FBLN7: variants seen among roughly 807,000 people sequenced by gnomAD.
FBLN7 encodes fibulin-7.
A neutral mutation model predicts 44.0 loss-of-function variants in FBLN7; 31 were observed. The observed-to-expected ratio is 0.70, with a 90% confidence interval of 0.53 to 0.95. FBLN7 has a LOEUF of 0.95. FBLN7 is among the 40% of genes least tolerant of loss of function. The probability of loss-of-function intolerance (pLI) is 0.00; values close to 1 mark genes in which losing one functional copy is unlikely to be tolerated. For missense variants in FBLN7, 573 were observed against 618.5 expected (o/e 0.93, Z 0.78); for synonymous variants, 262 against 253.4 (o/e 1.03, Z -0.32).
At chr2:112,184,505 G>A (rs958264427) in intron 6 of FBLN7, among the ~76,000 whole-genome samples, 6 of 152,010 alleles carry the variant, frequency 3.9e-5, no homozygotes, top group Non-Finnish European at 7.4e-5. Flanking sequence ...CCTCCAGCTG[G>A]GGAGACTCTC....
chr2:112,187,534 G>C lies in FBLN7; in HGVS notation c.*28G>C. 1 of 1,604,950 alleles carries C rather than the reference G, an allele frequency of 6.2e-7. No individual in the cohort carries two copies. Among genetic ancestry groups the C allele is most frequent in the Non-Finnish European group, 8.5e-7 (1 of 1,173,642 alleles). ...GTACACAGGGGCACTGGGGTGTGGA[G>C]AGCTGACCTCATTTCTCTTCCCCGA... is the stretch of plus-strand genomic sequence containing the variant. On this transcript the variant is annotated 3_prime_UTR_variant, in exon 8 of 8. Coordinates refer to ENST00000331203, the MANE Select transcript of FBLN7 (RefSeq NM_153214.3). This position sits in a 1 kb window ranked among gnomAD's most constrained non-coding sequence, Gnocchi z 5.1.
chr2:112,151,855 A>C (rs1326263310), intron 1 of FBLN7: 1 of 152,170 alleles, frequency 6.6e-6, no homozygotes, highest in Non-Finnish European at 1.5e-5. Context: ...GACTTGCTGA[A>C]GATAATACCG....
chr2:112,214,441 T>C, the FBLN7 span: 7 of 152,132 alleles, frequency 4.6e-5, no homozygotes, highest in Non-Finnish European at 8.8e-5. Flanking sequence ...TCTGGCTTTA[T>C]TTCTCCTGGT....
the FBLN7 span, among the ~76,000 whole-genome samples, chr2:112,200,136 G>C: frequency 4.6e-5 from 7 of 152,198 alleles, no homozygotes; most frequent in Non-Finnish European, 1.0e-4. Flanking sequence ...GGTGGTCTTT[G>C]ACTGAGAGAC....
At chr2:112,152,998 T>C (rs1470188945) in intron 1 of FBLN7, 2 of 152,218 alleles carry the variant, frequency 1.3e-5, no homozygotes, top group Admixed American at 6.5e-5. Context: ...CTTCTGTTTC[T>C]GTAGAGAGTT....
Position 112,185,292 on chromosome 2 carries a change from G to C in FBLN7, c.900G>C (p.Glu300Asp), listed in dbSNP as rs1683215038. ...TGGSFQCVSP[E>D]CPEGSGNVSY... ...GAAGCTTCCAGTGTGTCAGCCCTGAGTGCCCCGAGGGCAGCGGCAATGTGA... is the reference window on the plus strand; with the variant it reads ...GAAGCTTCCAGTGTGTCAGCCCTGACTGCCCCGAGGGCAGCGGCAATGTGA... The change falls in exon 7 of 8, where the codon GAG becomes GAC. Residue 300 changes from glutamate (E) to aspartate (D), a missense_variant. Glu to Asp is a conservative substitution (Grantham distance 45). Transcript: ENST00000331203. 1 of 1,613,934 alleles carries C rather than the reference G, an allele frequency of 6.2e-7. No individual in the cohort carries two copies. Among genetic ancestry groups the C allele is most frequent in the Non-Finnish European group, 8.5e-7 (1 of 1,179,866 alleles).
At chr2:112,168,480 C>G (rs1228958744) in intron 3 of FBLN7, among the ~76,000 whole-genome samples, 2 of 152,176 alleles carry the variant, frequency 1.3e-5, no homozygotes, top group African/African-American at 4.8e-5. Flanking sequence ...GGCCACGGCC[C>G]CTCCTAAGTG....
the FBLN7 span, among the ~76,000 whole-genome samples, chr2:112,193,526 TATCTG>T: frequency 2.0e-5 from 3 of 152,262 alleles, no homozygotes; most frequent in Non-Finnish European, 4.4e-5. Flanking sequence ...TTATTTATAA[TATCTG>T]ATACAAAGTG....
chr2:112,227,845 G>C, the FBLN7 span, among the ~76,000 whole-genome samples: 13 of 152,308 alleles, frequency 8.5e-5, no homozygotes, highest in Admixed American at 3.9e-4. Context: ...GACATTCCAT[G>C]CTCACAGATC....
At chr2:112,165,510 A>G (rs944372137) in intron 3 of FBLN7, among the ~76,000 whole-genome samples, 3 of 152,272 alleles carry the variant, frequency 2.0e-5, no homozygotes, top group Middle Eastern at 3.4e-3. Context: ...CTGACCCCAG[A>G]GTCTGCGCTC....
At chr2:112,225,340 T>C in the FBLN7 span, among the ~76,000 whole-genome samples, 1 of 152,132 alleles carries the variant, frequency 6.6e-6, no homozygotes, top group African/African-American at 2.4e-5. Flanking sequence ...TAGCCAGGTG[T>C]GGTAGCACAC....
chr2:112,156,243 A>G (rs1171645005), intron 1 of FBLN7, among the ~76,000 whole-genome samples: 2 of 152,184 alleles, frequency 1.3e-5, no homozygotes, highest in East Asian at 3.9e-4. Context: ...GCCTGTGAGA[A>G]CAAAGGAGGC....
In FBLN7 at chr2:112,170,872, G is replaced by A. The variant is rs189678847; in HGVS notation, c.407-4842G>A. On this transcript the variant is annotated intron_variant, in intron 3 of 7. Coordinates refer to ENST00000331203, the MANE Select transcript of FBLN7 (RefSeq NM_153214.3). ...AGTCCAGGGGAGAGATTGTGGCAGC[G>A]GAGATTCTAGGTATTTTTAGAGACA... Among the ~76,000 whole-genome samples the A allele has an allele frequency of 4.0e-4, 61 of 152,320 alleles. No individual in the cohort carries two copies. In the South Asian group the frequency reaches 6.2e-3, roughly 16 times the overall value.
chr2:112,187,929 C>CG lies in FBLN7; in HGVS notation c.*429dup. On this transcript the variant is annotated 3_prime_UTR_variant, in exon 8 of 8. Coordinates refer to ENST00000331203, the MANE Select transcript of FBLN7 (RefSeq NM_153214.3). This position sits in a 1 kb window ranked among gnomAD's most constrained non-coding sequence, Gnocchi z 5.1. The stretch of plus-strand genomic sequence containing the variant: ...TATGAATGAAACGGTTCTAGTCGTG[C>CG]GGGGGGCCCTAGTCATGCCTCTGCG... The CG allele has an allele frequency of 4.4e-6, 1 of 228,928 alleles. No individual in the cohort carries two copies. The highest frequency in any genetic ancestry group is 8.5e-6 in the Non-Finnish European group (1 of 117,344). 14.2% of individuals were successfully genotyped at this position (228,928 alleles called of 1,614,324 possible).
intron 3 of FBLN7, among the ~76,000 whole-genome samples, chr2:112,171,306 G>A (rs888979915): frequency 1.3e-5 from 2 of 152,118 alleles, no homozygotes; most frequent in African/African-American, 4.8e-5. Context: ...AGACCTGCAG[G>A]GCACTGAGAA....
chr2:112,157,176 C>G (rs1681474030), intron 1 of FBLN7, among the ~76,000 whole-genome samples: 1 of 152,038 alleles, frequency 6.6e-6, no homozygotes, highest in Non-Finnish European at 1.5e-5. Flanking sequence ...TCGAGACCAG[C>G]CTGGGCAACA....
At chr2:112,182,060 C>T (rs2104603987) in intron 5 of FBLN7, 184 bp downstream of exon 5, 1 of 745,832 alleles carries the variant, frequency 1.3e-6, no homozygotes, top group East Asian at 3.4e-5. Flanking sequence ...AGCTAATTCA[C>T]AGAAATCAGA....
the FBLN7 span, among the ~76,000 whole-genome samples, chr2:112,239,247 T>A: frequency 6.6e-6 from 1 of 152,174 alleles, no homozygotes; most frequent in Non-Finnish European, 1.5e-5. Flanking sequence ...TGCATAAAAA[T>A]TTTCAGGTAT....
In FBLN7 at chr2:112,175,813, A is replaced by G; in HGVS notation, c.506A>G (p.Asn169Ser). Reference protein sequence around the residue: ...RCICPPGRTGNRCQHQAQTAA... With the variant: ...RCICPPGRTGSRCQHQAQTAA... ...ATTTGTCCTCCAGGAAGGACTGGGA[A>G]CCGCTGTCAGCATCAGGCCCAGACT... The change falls in exon 4 of 8, where the codon AAC (asparagine) becomes AGC (serine). Residue 169 changes from asparagine (N) to serine (S), a missense_variant. Coordinates refer to ENST00000331203, the MANE Select transcript of FBLN7 (RefSeq NM_153214.3). 1.2e-6 allele frequency: 2 copies of G among 1,614,174 alleles called. No individual in the cohort carries two copies. Among genetic ancestry groups the G allele is most frequent in the Non-Finnish European group, 1.7e-6 (2 of 1,180,010 alleles).
Sources: allele counts gnomAD v4.1 joint callset (sites outside exome capture counted in the v4.1 genomes callset), GRCh38; gene constraint gnomAD v4.1.1; non-coding constraint Gnocchi (gnomAD v3.1); transcripts MANE v1.5; gene names NCBI Gene and HGNC (gene_info 2026-07-23, HGNC 2026-07-21).